Variants in HDAC9 observed in about 807,000 individuals in gnomAD.
The protein encoded by HDAC9 is histone deacetylase 9.
In HDAC9, 41 loss-of-function variants were observed where a neutral mutation model predicts 139.4. The ratio of observed to expected loss-of-function variants is 0.29; its 90% confidence interval spans 0.23 to 0.38. The LOEUF (loss-of-function observed/expected upper bound fraction) is 0.38. Ranked by LOEUF, HDAC9 falls within the 10% of genes least tolerant of loss-of-function variation. The pLI is 1.00. For missense variants in HDAC9, 1,147 were observed against 1,297.0 expected (o/e 0.88, Z 1.78); for synonymous variants, 517 against 476.2 (o/e 1.09, Z -1.12).
intron 3 of HDAC9, among the ~76,000 whole-genome samples, chr7:18,588,248 A>G (rs1196287681): frequency 6.6e-6 from 1 of 152,156 alleles, no homozygotes. Flanking sequence ...TAAAATCAAG[A>G]GTTTTAGGCA....
intron 23 of HDAC9, among the ~76,000 whole-genome samples, chr7:18,942,181 G>A (rs1782072484): frequency 6.6e-6 from 1 of 152,026 alleles, no homozygotes; most frequent in Non-Finnish European, 1.5e-5. Context: ...AGTGCTTTGG[G>A]AATATAACAT....
intron 1 of HDAC9, among the ~76,000 whole-genome samples, chr7:18,157,133 A>G (rs1341596009): frequency 2.6e-5 from 4 of 152,212 alleles, no homozygotes; most frequent in Non-Finnish European, 2.9e-5. Context: ...AGGTAATAGT[A>G]TCCTTTGCAG....
chr7:18,335,727 G>T (rs913899278), intron 1 of HDAC9, among the ~76,000 whole-genome samples: 3 of 151,510 alleles, frequency 2.0e-5, no homozygotes, highest in African/African-American at 7.3e-5. Flanking sequence ...AGGAAGTAAA[G>T]AAAAAGGCAG....
chr7:18,936,863 C>A (rs369412953), intron 23 of HDAC9, among the ~76,000 whole-genome samples: 1 of 151,950 alleles, frequency 6.6e-6, no homozygotes, highest in East Asian at 1.9e-4. Flanking sequence ...ACCTTTTCTT[C>A]TGCACATAGA....
At chr7:18,811,791 G>T (rs555312967) in intron 17 of HDAC9, among the ~76,000 whole-genome samples, 15 of 151,612 alleles carry the variant, frequency 9.9e-5, no homozygotes, top group African/African-American at 3.1e-4. Context: ...ATATGTGTTT[G>T]TGTTGTATGT....
chr7:18,546,390 C>G (rs978111522), intron 2 of HDAC9, among the ~76,000 whole-genome samples: 3 of 152,130 alleles, frequency 2.0e-5, no homozygotes, highest in African/African-American at 7.2e-5. Flanking sequence ...GATTTGTCAC[C>G]TGTAAACTCG....
intron 1 of HDAC9, among the ~76,000 whole-genome samples, chr7:18,109,925 T>C (rs1409684864): frequency 6.6e-6 from 1 of 152,202 alleles, no homozygotes; most frequent in African/African-American, 2.4e-5. Flanking sequence ...GCTTTACATA[T>C]TTCATTCCTC....
chr7:18,134,582 C>T (rs1474801899), intron 1 of HDAC9, among the ~76,000 whole-genome samples: 2 of 152,136 alleles, frequency 1.3e-5, no homozygotes, highest in African/African-American at 4.8e-5. Context: ...AGGAAAAAAG[C>T]AGATCAGTTG....
chr7:18,661,888 G>C (rs980581943), intron 11 of HDAC9, among the ~76,000 whole-genome samples: 1 of 152,072 alleles, frequency 6.6e-6, no homozygotes, highest in African/African-American at 2.4e-5. Flanking sequence ...TATATATACT[G>C]TCATATGCAT....
intron 2 of HDAC9, among the ~76,000 whole-genome samples, chr7:18,560,936 C>G (rs1330264849): frequency 6.6e-6 from 1 of 152,096 alleles, no homozygotes; most frequent in Non-Finnish European, 1.5e-5. Context: ...GTCCCGTGCT[C>G]TCCTCCTGGC....
intron 16 of HDAC9, among the ~76,000 whole-genome samples, chr7:18,777,854 A>C (rs1790912001): frequency 6.6e-6 from 1 of 151,970 alleles, no homozygotes; most frequent in Admixed American, 6.6e-5. Flanking sequence ...TTCTCACAGA[A>C]CCAAGAGGGC....
At chr7:18,452,593 T>G (rs1792973740) in intron 1 of HDAC9, among the ~76,000 whole-genome samples, 1 of 152,220 alleles carries the variant, frequency 6.6e-6, no homozygotes, top group East Asian at 1.9e-4. Context: ...ACCCAAATCT[T>G]ACCTATAATT....
chr7:18,105,859 T>C (rs1200691136), intron 1 of HDAC9, among the ~76,000 whole-genome samples: 1 of 152,090 alleles, frequency 6.6e-6, no homozygotes, highest in Non-Finnish European at 1.5e-5. Context: ...ATAAACAAAA[T>C]GTGGTGTAGT....
intron 1 of HDAC9, among the ~76,000 whole-genome samples, chr7:18,370,997 A>G (rs764080288): frequency 2.0e-5 from 3 of 152,162 alleles, no homozygotes; most frequent in Admixed American, 6.5e-5. Context: ...TAATCTATCC[A>G]TTCATCTCAA....
intron 9 of HDAC9, among the ~76,000 whole-genome samples, chr7:18,647,185 A>G (rs547897513): frequency 2.7e-4 from 41 of 152,292 alleles, no homozygotes; most frequent in African/African-American, 9.6e-4. Flanking sequence ...CCTCTCCAGT[A>G]TGCCTTTAAC....
intron 24 of HDAC9, among the ~76,000 whole-genome samples, chr7:18,960,896 G>A (rs1000198392): frequency 6.6e-6 from 1 of 152,010 alleles, no homozygotes; most frequent in Non-Finnish European, 1.5e-5. Context: ...GTTGGGGGGT[G>A]GGGGAAGTTA....
At chr7:18,329,706 G>T (rs1458149489) in intron 1 of HDAC9, among the ~76,000 whole-genome samples, 2 of 151,726 alleles carry the variant, frequency 1.3e-5, no homozygotes, top group Non-Finnish European at 2.9e-5. Context: ...TATAATTCCT[G>T]TTGATGGCAC....
At chr7:18,953,273 T>G (rs932229961) in intron 23 of HDAC9, among the ~76,000 whole-genome samples, 2 of 152,116 alleles carry the variant, frequency 1.3e-5, no homozygotes, top group East Asian at 1.9e-4. Context: ...TACTATTACT[T>G]TATTTGCTTT....
At chr7:18,835,423 G>T (rs771358859) in intron 19 of HDAC9, 44 bp from the exon 20 acceptor site, 2 of 1,578,354 alleles carry the variant, frequency 1.3e-6, no homozygotes, top group Non-Finnish European at 1.7e-6. Context: ...TCCACACAAA[G>T]TTAGACATGA....
Sources: gnomAD v4.1 joint callset for allele counts (sites outside exome capture counted in the v4.1 genomes callset) on GRCh38, gnomAD v4.1.1 for gene constraint, MANE v1.5 for transcripts, NCBI Gene and HGNC (gene_info 2026-07-23, HGNC 2026-07-21) for gene names.